The following PLEKHG1 variants were observed in gnomAD, a reference collection of about 807,000 sequenced individuals.
The protein encoded by PLEKHG1 is pleckstrin homology domain-containing family G member 1.
A neutral mutation model predicts 100.8 loss-of-function variants in PLEKHG1; 44 were observed. The observed-to-expected ratio is 0.44, with a 90% CI of 0.34 to 0.56. PLEKHG1 has a LOEUF of 0.56. Ranked by LOEUF, PLEKHG1 falls within the 20% of genes least tolerant of loss-of-function variation. The pLI, the probability that PLEKHG1 is intolerant of heterozygous loss-of-function variation, is 0.01. For missense variants in PLEKHG1, 1,545 were observed against 1,720.9 expected (o/e 0.90, Z 1.81); for synonymous variants, 640 against 662.5 (o/e 0.97, Z 0.52).
At chr6:150,823,503 G>A (rs945702839) in intron 13 of PLEKHG1, 151 bp from the exon 15 acceptor site, 1 of 591,304 alleles carries the variant, frequency 1.7e-6, no homozygotes, top group South Asian at 2.2e-5. Context: ...AGCTGACAGG[G>A]ATTTTCTGAA....
Position 150,683,758 on chromosome 6 carries a change from G to A in PLEKHG1, c.-99+32972G>A. The A allele has an allele frequency of 1.6e-6, 2 of 1,284,950 alleles. No homozygotes were observed. The highest frequency in any genetic ancestry group is 2.0e-6 in the Non-Finnish European group (2 of 986,978). 79.6% of individuals were successfully genotyped at this position (1,284,950 alleles called of 1,614,324 possible). A position where few individuals can be genotyped will look rare whatever the true frequency, so the allele number is the denominator to read the frequency against. ...TATCCAGGGCATAGGACGTCTGAAG[G>A]AAAGATGGAGCCATTCTTGGTGGGG... On this transcript the variant is annotated intron_variant, in intron 3 of 3. Transcript: ENST00000367326. The surrounding 1 kb of genome is among the most constrained non-coding windows in gnomAD (Gnocchi z 4.0).
rs902103316 is a variant in PLEKHG1 at position 150,683,034 on chromosome 6, G to A, written c.-99+32248G>A. Among the ~76,000 whole-genome samples, 11 of 152,146 alleles carry A rather than the reference G, an allele frequency of 7.2e-5. No individual in the cohort carries two copies. The highest frequency in any genetic ancestry group is 2.2e-4 in the African/African-American group (9 of 41,424). ...ATACTTAATGCTGATGGCTTCGTGC[G>A]CATCTTAACAGTTGACAACTACATC... On this transcript the variant is annotated intron_variant, in intron 3 of 3. Transcript: ENST00000367326. The surrounding 1 kb of genome is among the most constrained non-coding windows in gnomAD (Gnocchi z 4.0).
rs373174088 is a variant in PLEKHG1 at position 150,773,991 on chromosome 6, T to C, written c.512+5253T>C. 8.3e-4 allele frequency among the ~76,000 whole-genome samples: 126 copies of C among 152,350 alleles called. 2 individuals are homozygous for C. Among genetic ancestry groups the C allele is most frequent in the African/African-American group, 2.9e-3 (119 of 41,594 alleles). ...GTTATTTGGACTAGAACATTTTCTC[T>C]ATTGTTTAAATTGGATATTATCCTC... On this transcript the variant is annotated intron_variant, in intron 3 of 15. Transcript: ENST00000358517.
chr6:150,677,526 T>C (rs1779802024), intron 3 of PLEKHG1, among the ~76,000 whole-genome samples: 1 of 152,164 alleles, frequency 6.6e-6, no homozygotes, highest in Non-Finnish European at 1.5e-5. Context: ...CTTTATGATC[T>C]AGGTCCCTTC....
intron 2 of PLEKHG1, among the ~76,000 whole-genome samples, chr6:150,644,334 G>GTTTTT (rs57840463): frequency 2.4e-4 from 28 of 117,588 alleles, no homozygotes; most frequent in East Asian, 5.3e-4. Context: ...TTCTTTTCGT[G>GTTTTT]TTTTTTTTTT....
At chr6:150,806,497 C>T (rs899777607) in intron 7 of PLEKHG1, among the ~76,000 whole-genome samples, 4 of 151,892 alleles carry the variant, frequency 2.6e-5, no homozygotes, top group East Asian at 3.9e-4. Context: ...TCAGCCTGGC[C>T]AACATGGTGA....
chr6:150,715,568 A>G (rs780000273), intron 3 of PLEKHG1, among the ~76,000 whole-genome samples: 2 of 149,172 alleles, frequency 1.3e-5, no homozygotes, highest in Non-Finnish European at 3.0e-5. Context: ...GCTCACTGCA[A>G]CTTCTGCCGC....
At chr6:150,721,047 C>A, upstream of PLEKHG1, 1 of 612,608 alleles carries the variant, frequency 1.6e-6, no homozygotes, top group Non-Finnish European at 2.0e-6. Flanking sequence ...TTTTGTAAAG[C>A]CTTTGTGTGT....
chr6:150,804,192 T>A (rs1786899426), intron 6 of PLEKHG1, among the ~76,000 whole-genome samples: 1 of 101,642 alleles, frequency 9.8e-6, no homozygotes, highest in Non-Finnish European at 1.9e-5. Context: ...TTTTTTTTTT[T>A]TTTTTTTTTT....
chr6:150,679,348 T>C (rs1398477498), intron 3 of PLEKHG1, among the ~76,000 whole-genome samples: 1 of 152,204 alleles, frequency 6.6e-6, no homozygotes, highest in African/African-American at 2.4e-5. Flanking sequence ...TGTTCAGCAA[T>C]ATAGCATTTC....
At chr6:150,675,450 T>C (rs1779723400) in intron 3 of PLEKHG1, among the ~76,000 whole-genome samples, 1 of 152,266 alleles carries the variant, frequency 6.6e-6, no homozygotes, top group African/African-American at 2.4e-5. Flanking sequence ...TCACGCTTTC[T>C]GGATTAGTGG....
chr6:150,623,994 A>T (rs977315254), intron 1 of PLEKHG1, among the ~76,000 whole-genome samples: 1 of 152,236 alleles, frequency 6.6e-6, no homozygotes, highest in Admixed American at 6.5e-5. Context: ...ATAACGCCTT[A>T]TCAGATTAAT....
At chr6:150,784,007 T>C (rs1785468116) in intron 3 of PLEKHG1, among the ~76,000 whole-genome samples, 1 of 152,202 alleles carries the variant, frequency 6.6e-6, no homozygotes, top group African/African-American at 2.4e-5. Flanking sequence ...ATATCACACG[T>C]CATGTAGCCT....
At chr6:150,839,917 C>G in exon 16 of PLEKHG1, 1 of 1,613,662 alleles carries the variant, frequency 6.2e-7, no homozygotes, top group Non-Finnish European at 8.5e-7. Flanking sequence ...GATGGCTGGG[C>G]CAGCCCTCAA....
rs1045200885 is a variant in PLEKHG1 at position 150,697,308 on chromosome 6, G to C, written c.-98-36276G>C. 2.4e-4 allele frequency among the ~76,000 whole-genome samples: 36 copies of C among 152,232 alleles called. 1 individual carries two copies. The highest frequency in any genetic ancestry group is 1.6e-4 in the Non-Finnish European group (11 of 68,036). On this transcript the variant is annotated intron_variant, in intron 3 of 3. Coordinates refer to the PLEKHG1 transcript ENST00000367326. The stretch of plus-strand genomic sequence containing the variant: ...ACTGCTGAGTGCTACCAAAGAGCAT[G>C]TCATGTTGTAGGCAATGGAGAGAGC...
chr6:150,836,359 CAG>C (rs1320363917), intron 15 of PLEKHG1, among the ~76,000 whole-genome samples: 1 of 152,046 alleles, frequency 6.6e-6, no homozygotes, highest in East Asian at 1.9e-4. Flanking sequence ...GCCTGGGCAA[CAG>C]AGTGAGACTC....
At chr6:150,839,374 C>T (rs1266457722) in intron 15 of PLEKHG1, among the ~76,000 whole-genome samples, 1 of 152,134 alleles carries the variant, frequency 6.6e-6, no homozygotes, top group Non-Finnish European at 1.5e-5. Flanking sequence ...GTTTGGCCTC[C>T]GAAAGTGCTA....
intron 3 of PLEKHG1, among the ~76,000 whole-genome samples, chr6:150,710,356 C>T (rs1781199612): frequency 6.6e-6 from 1 of 152,242 alleles, no homozygotes; most frequent in African/African-American, 2.4e-5. Context: ...TTTTAGGGCT[C>T]CTTTGATGTT....
chr6:150,834,011 C>A (rs1227606000), intron 15 of PLEKHG1, among the ~76,000 whole-genome samples: 3 of 149,684 alleles, frequency 2.0e-5, no homozygotes, highest in African/African-American at 7.4e-5. Flanking sequence ...CTGTAGGGAA[C>A]TTTTTTTTTT....
Sources: allele counts gnomAD v4.1 joint callset (sites outside exome capture counted in the v4.1 genomes callset), GRCh38; gene constraint gnomAD v4.1.1; non-coding constraint Gnocchi (gnomAD v3.1); transcripts MANE v1.5; gene names NCBI Gene and HGNC (gene_info 2026-07-23, HGNC 2026-07-21).